The following MYO15A variants were observed in gnomAD, a reference collection of about 807,000 sequenced individuals.
MYO15A encodes the protein unconventional myosin-XV.
A neutral mutation model predicts 394.6 loss-of-function variants in MYO15A; 308 were observed. That is an observed-to-expected ratio of 0.78 (90% CI 0.71 to 0.86). The LOEUF is 0.86. Among genes scored for constraint, MYO15A ranks in the 40% least tolerant of loss-of-function variants. The pLI, the probability that MYO15A is intolerant of heterozygous loss-of-function variation, is 0.00. For missense variants in MYO15A, 4,606 were observed against 4,799.1 expected, an observed-to-expected ratio of 0.96 and a Z score of 1.19; for synonymous variants, 1,957 against 2,003.8, an observed-to-expected ratio of 0.98 and a Z score of 0.62.
At position 18,163,296 on chromosome 17, in the gene MYO15A, G is replaced by A. The variant is rs201712137; in HGVS notation, c.9665G>A (p.Arg3222His). The change falls in exon 59 of 66, where the codon CGC becomes CAC. Residue 3222 changes from arginine (R) to histidine (H), a missense_variant. This residue lies in a region of MYO15A where 2,776 missense variants were observed against 3,109.3 expected (regional missense o/e 0.89). Transcript: ENST00000647165. The part of the protein sequence containing the change: ...QLFLLPGGLE[R>H]HLKIKTCTVA... ...TTTCTTCTTCCTGGAGGCCTTGAAC[G>A]CCATCTCAAAATCAAAACATGCACT... 104 of 1,613,992 alleles carry A rather than the reference G, an allele frequency of 6.4e-5. No homozygotes were observed. The Admixed American group carries it at 6.5e-4, about 10-fold the overall frequency.
intron 24 of MYO15A, 71 bp from the exon 25 acceptor site, chr17:18,142,685 G>T (rs371565810): frequency 2.2e-6 from 3 of 1,348,286 alleles, no homozygotes; most frequent in Admixed American, 1.8e-5. Flanking sequence ...GCTGGCAAGG[G>T]CCTCTCTACC....
chr17:18,159,056 C>T lies in MYO15A; in HGVS notation c.9156+59C>T, dbSNP rs2046734200. 17 of 1,561,902 alleles carry T rather than the reference C, an allele frequency of 1.1e-5. No individual in the cohort carries two copies. In the Admixed American group the frequency reaches 2.3e-4, roughly 21 times the overall value. On this transcript the variant is annotated intron_variant, in intron 53 of 65. Transcript: ENST00000647165. ...TAAAATGGTGATGCAGGGGCCCCCT[C>T]CCAGGCCCCTGGGGCCAACAAACTT...
Position 18,155,422 on chromosome 17 carries a change from C to A in MYO15A, c.8449C>A (p.Arg2817Ser). The change falls in exon 47 of 66, where the codon CGT (arginine) becomes AGT (serine). Residue 2817 changes from arginine (R) to serine (S), a missense_variant. Coordinates refer to ENST00000647165, the MANE Select transcript of MYO15A (RefSeq NM_016239.4). ...GGCCGGCGGGCAGCTGCGGGTCCTG[C>A]GTGCATACAGGTGACCAGCAGGGGT... is the stretch of plus-strand genomic sequence containing the variant. ...QEAGGQLRVL[R>S]AYSFADILFV... 2 of 1,613,040 alleles carry A rather than the reference C, an allele frequency of 1.2e-6. No individual in the cohort carries two copies. Among genetic ancestry groups the A allele is most frequent in the Non-Finnish European group, 1.7e-6 (2 of 1,179,874 alleles).
chr17:18,143,166 C>T (rs892544059), intron 25 of MYO15A, among the ~76,000 whole-genome samples: 2 of 152,148 alleles, frequency 1.3e-5, no homozygotes, highest in African/African-American at 4.8e-5. Flanking sequence ...CATGTCTTGA[C>T]CCACTGTCAT....
chr17:18,141,865 C>A, intron 23 of MYO15A, 95 bp downstream of exon 23: 1 of 1,358,102 alleles, frequency 7.4e-7, no homozygotes, highest in South Asian at 1.2e-5. Context: ...GACTGCCATC[C>A]CAGGAGCAAC....
At chr17:18,155,291 C>T (rs1030783116) in intron 46 of MYO15A, 23 bp from the exon 47 acceptor site, 3 of 1,613,472 alleles carry the variant, frequency 1.9e-6, no homozygotes, top group African/African-American at 2.7e-5. Context: ...AGGATCCTCA[C>T]ACGCCCTTCA....
rs2046854604 is a variant in MYO15A at position 18,166,381 on chromosome 17, A to C, written c.9808A>C (p.Ser3270Arg). 1.9e-6 allele frequency: 3 copies of C among 1,613,456 alleles called. No individual in the cohort carries two copies. The highest frequency in any genetic ancestry group is 2.5e-6 in the Non-Finnish European group (3 of 1,180,044). Residue 3270 changes from serine (S) to arginine (R), a missense_variant, in exon 61 of 66, where the codon AGT becomes CGT. Around this residue, in one of 2 missense-constraint regions of MYO15A, gnomAD observed 2,776 missense variants for 3,109.3 expected, o/e 0.89. Transcript: ENST00000647165. ...TNRGQHVCPL[S>R]RRAYILDVAS... ...TGCAGGCCAGCATGTGTGCCCACTCAGTCGCCGTGCTTACATCCTGGATGT... is the reference window on the plus strand; with the variant it reads ...TGCAGGCCAGCATGTGTGCCCACTCCGTCGCCGTGCTTACATCCTGGATGT...
At position 18,158,034 on chromosome 17, in the gene MYO15A, G is replaced by T. The variant is rs1376147863; in HGVS notation, c.8967+134G>T. 6.3e-6 allele frequency: 8 copies of T among 1,279,078 alleles called. No homozygotes were observed. The East Asian group carries it at 1.8e-4, about 29-fold the overall frequency. The allele number at this position is 1,279,078 out of a possible 1,614,324, so 79.2% of individuals were successfully genotyped here. On this transcript the variant is annotated intron_variant, in intron 51 of 65. Coordinates refer to ENST00000647165, the MANE Select transcript of MYO15A (RefSeq NM_016239.4). ...TTGGGGCGTGGCTGATCTTGGACTAGTGTGAGGGTGAACCAGGTAGAGTGA... is the reference window on the plus strand; with the variant it reads ...TTGGGGCGTGGCTGATCTTGGACTATTGTGAGGGTGAACCAGGTAGAGTGA...
At position 18,118,940 on chromosome 17, in the gene MYO15A, TCTC is replaced by T; in HGVS notation, c.142_144del (p.Ser48del). On this transcript the variant is annotated inframe_deletion, in exon 2 of 66. Transcript: ENST00000647165. ...GGCTTCCGCGACCGTACACCCAAGA[TCTC>T]CAAGAAGGGCCAGTTCCGCAGCGCC... 1.2e-6 allele frequency: 2 copies of T among 1,613,218 alleles called. No homozygotes were observed. The highest frequency in any genetic ancestry group is 1.7e-6 in the Non-Finnish European group (2 of 1,179,904).
chr17:18,127,925 G>A (rs2142287256), intron 7 of MYO15A, among the ~76,000 whole-genome samples: 1 of 151,246 alleles, frequency 6.6e-6, no homozygotes, highest in South Asian at 2.1e-4. Context: ...GGAAAAAAGT[G>A]AAGAGAAGGG....
Position 18,121,122 on chromosome 17 carries a change from C to G in MYO15A, c.2322C>G (p.Ala774=). 1.3e-6 allele frequency: 2 copies of G among 1,507,686 alleles called. No homozygotes were observed. The highest frequency in any genetic ancestry group is 2.5e-5 in the South Asian group (2 of 81,438). 93.4% of individuals were successfully genotyped at this position (1,507,686 alleles called of 1,614,324 possible). ...GGAGGCGAGCTTGGTCACCGCTGGCCTCGCCCCAGCCCTCGCTGAGGAGCT... is the reference window on the plus strand; with the variant it reads ...GGAGGCGAGCTTGGTCACCGCTGGCGTCGCCCCAGCCCTCGCTGAGGAGCT... The part of the protein sequence containing the change: ...ASRRRAWSPL[A]SPQPSLRSSP... The change falls in exon 2 of 66, where the codon GCC becomes GCG. Residue 774 remains alanine (A), a synonymous_variant. Coordinates refer to ENST00000647165, the MANE Select transcript of MYO15A (RefSeq NM_016239.4). The surrounding 1 kb of genome is among the most constrained non-coding windows in gnomAD (Gnocchi z 5.3).
In MYO15A at chr17:18,150,766, G is replaced by A. The variant is rs1305101175; in HGVS notation, c.7395+1G>A. The A allele has an allele frequency of 1.3e-6, 2 of 1,583,340 alleles. No individual in the cohort carries two copies. The highest frequency in any genetic ancestry group is 1.1e-5 in the South Asian group (1 of 87,154). ...CATCCACAAACAGGCCGTGCTGCTG[G>A]TGAGTGAGGGAGGGACTGCTGGGGG... On this transcript the variant is annotated splice_donor_variant, in intron 37 of 65. Coordinates refer to ENST00000647165, the MANE Select transcript of MYO15A (RefSeq NM_016239.4). LOFTEE classifies it high-confidence loss of function. The surrounding 1 kb of genome is among the most constrained non-coding windows in gnomAD (Gnocchi z 4.4).
chr17:18,153,717 T>G lies in MYO15A; in HGVS notation c.7967-58T>G. On this transcript the variant is annotated intron_variant, in intron 42 of 65. Coordinates refer to ENST00000647165, the MANE Select transcript of MYO15A (RefSeq NM_016239.4). This position sits in a 1 kb window ranked among gnomAD's most constrained non-coding sequence, Gnocchi z 4.1. ...CCGTCTCAAAAATATATATATATAT[T>G]AATTAAATAAAAAAACGAGGTGCCT... The G allele has an allele frequency of 6.6e-7, 1 of 1,511,520 alleles. No individual in the cohort carries two copies. Among genetic ancestry groups the G allele is most frequent in the Non-Finnish European group, 8.9e-7 (1 of 1,125,918 alleles). The allele number at this position is 1,511,520 out of a possible 1,614,324, so 93.6% of individuals were successfully genotyped here.
chr17:18,120,727 C>T lies in MYO15A; in HGVS notation c.1927C>T (p.Arg643Cys), dbSNP rs1365304677. The T allele has an allele frequency of 6.8e-7, 1 of 1,474,820 alleles. No individual in the cohort carries two copies. Among genetic ancestry groups the T allele is most frequent in the Non-Finnish European group, 8.9e-7 (1 of 1,123,332 alleles). The allele number at this position is 1,474,820 out of a possible 1,614,324, so 91.4% of individuals were successfully genotyped here. Residue 643 changes from arginine (R) to cysteine (C), a missense_variant, in exon 2 of 66, where the codon CGC (arginine) becomes TGC (cysteine). By Grantham distance (180) the Arg-to-Cys change is radical. Coordinates refer to ENST00000647165, the MANE Select transcript of MYO15A (RefSeq NM_016239.4). ...CGCTCGCAGCAGCAACGACGCGCGC[C>T]GCCCGCCCGCGCCACAGCCCGCGCC... ...PRARSSNDAR[R>C]PPAPQPAPRT...
chr17:18,166,431 C>T lies in MYO15A; in HGVS notation c.9858C>T (p.Asp3286=), dbSNP rs753003386. Residue 3286 remains aspartate (D), a synonymous_variant, in exon 61 of 66, where the codon GAC becomes GAT. Transcript: ENST00000647165. ...TGGCCTCAGAGATGGAGCAGGTGGA[C>T]GGCGGCTACATGCTCTGGTTCCGGC... The part of the protein sequence containing the change: ...LDVASEMEQV[D]GGYMLWFRRV... 29 of 1,613,926 alleles carry T rather than the reference C, an allele frequency of 1.8e-5. No homozygotes were observed. Among genetic ancestry groups the T allele is most frequent in the South Asian group, 5.5e-5 (5 of 91,074 alleles).
intron 18 of MYO15A, chr17:18,139,218 C>T: frequency 3.3e-6 from 2 of 607,140 alleles, no homozygotes; most frequent in Non-Finnish European, 6.1e-6. Flanking sequence ...TCACTATGGT[C>T]ACCCTCATCA....
At chr17:18,138,342 G>A in intron 17 of MYO15A, 96 bp downstream of exon 17, 1 of 1,483,178 alleles carries the variant, frequency 6.7e-7, no homozygotes, top group Non-Finnish European at 9.2e-7. Flanking sequence ...CTCTGCTCTG[G>A]CCTGAGTCAG....
At chr17:18,157,931 G>GGGGGGGGCC in intron 51 of MYO15A, 31 bp downstream of exon 51, 3 of 412,714 alleles carry the variant, frequency 7.3e-6, no homozygotes, top group Non-Finnish European at 9.0e-6. Flanking sequence ...GTGGGGCGGG[G>GGGGGGGGCC]TAGACCAGGG....
chr17:18,155,018 T>C lies in MYO15A; in HGVS notation c.8225-92T>C, dbSNP rs2046650678. The stretch of plus-strand genomic sequence containing the variant: ...AGACACTGGTCAGATACCTTCTTGC[T>C]GGGTATCAGCCACCTCCCTCCCTGA... On this transcript the variant is annotated intron_variant, in intron 45 of 65. Coordinates refer to ENST00000647165, the MANE Select transcript of MYO15A (RefSeq NM_016239.4). 5.7e-6 allele frequency: 7 copies of C among 1,233,012 alleles called. No homozygotes were observed. In the East Asian group the frequency reaches 1.8e-4, roughly 31 times the overall value. 76.4% of individuals were successfully genotyped at this position (1,233,012 alleles called of 1,614,324 possible).
Sources: gnomAD v4.1 joint callset for allele counts (sites outside exome capture counted in the v4.1 genomes callset) on GRCh38, gnomAD v4.1.1 for gene constraint, gnomAD v4.1.1 regional missense constraint, Gnocchi (gnomAD v3.1) non-coding constraint, MANE v1.5 for transcripts, NCBI Gene and HGNC (gene_info 2026-07-23, HGNC 2026-07-21) for gene names.